TBC1D5: variants seen among roughly 807,000 people sequenced by gnomAD.
TBC1D5 encodes TBC1 domain family member 5.
In TBC1D5, 75 loss-of-function variants were observed where a neutral mutation model predicts 100.3. That is an observed-to-expected ratio of 0.75 (90% CI 0.62 to 0.91). TBC1D5 has a LOEUF of 0.91. Among genes scored for constraint, TBC1D5 ranks in the 40% least tolerant of loss-of-function variants. The pLI, the probability that TBC1D5 is intolerant of heterozygous loss-of-function variation, is 0.00. For missense variants in TBC1D5, 910 were observed against 942.4 expected (o/e 0.97, Z 0.45); for synonymous variants, 323 against 325.6 (o/e 0.99, Z 0.09).
At position 17,479,891 on chromosome 3, in the gene TBC1D5, G is replaced by A. The variant is rs1444048658; in HGVS notation, c.97+28583C>T. On this transcript the variant is annotated intron_variant, in intron 3 of 21. Transcript: ENST00000253692. ...GGCAGGGAGCCCCTCTTCCTATCAA[G>A]TAGGCAGGGCTGGAGCCCCACGCTC... Among the ~76,000 whole-genome samples the A allele has an allele frequency of 4.6e-5, 7 of 152,166 alleles. No individual in the cohort carries two copies. The East Asian group carries it at 1.2e-3, about 25-fold the overall frequency.
chr3:17,343,883 G>A (rs13079314), intron 13 of TBC1D5, among the ~76,000 whole-genome samples: 13,640 of 151,470 alleles, frequency 0.09, 1,395 homozygotes, highest in African/African-American at 0.25. Context: ...TCTTGCTAGC[G>A]GTCTATCAAT....
chr3:17,255,405 T>C (rs1043896220), intron 16 of TBC1D5, among the ~76,000 whole-genome samples: 8 of 152,098 alleles, frequency 5.3e-5, no homozygotes, highest in African/African-American at 1.7e-4. Context: ...TTTCACCACG[T>C]TGGCCAGGAT....
chr3:17,527,037 G>T (rs1006494983), intron 2 of TBC1D5, among the ~76,000 whole-genome samples: 2 of 152,108 alleles, frequency 1.3e-5, no homozygotes, highest in Non-Finnish European at 2.9e-5. Flanking sequence ...TAGAAGATAA[G>T]CATTTAGTGG....
At chr3:17,254,552 T>C (rs2077462163) in intron 16 of TBC1D5, among the ~76,000 whole-genome samples, 1 of 152,168 alleles carries the variant, frequency 6.6e-6, no homozygotes, top group Admixed American at 6.5e-5. Context: ...ATGTTATATT[T>C]TTCCTGACAT....
At chr3:17,386,324 C>T (rs1459942953) in intron 8 of TBC1D5, among the ~76,000 whole-genome samples, 2 of 151,992 alleles carry the variant, frequency 1.3e-5, no homozygotes, top group Non-Finnish European at 2.9e-5. Flanking sequence ...CTGTTATAAT[C>T]TAAAATTGAT....
intron 4 of TBC1D5, among the ~76,000 whole-genome samples, chr3:17,411,830 C>T (rs1447764240): frequency 6.6e-6 from 1 of 152,132 alleles, no homozygotes; most frequent in Non-Finnish European, 1.5e-5. Context: ...GAATTGGAAA[C>T]ATTATCTCTG....
intron 5 of TBC1D5, among the ~76,000 whole-genome samples, chr3:17,405,989 A>G (rs1427064550): frequency 6.6e-6 from 1 of 152,082 alleles, no homozygotes; most frequent in Non-Finnish European, 1.5e-5. Context: ...CCTCACTACT[A>G]AAAGAAATGT....
At chr3:17,625,798 T>C (rs1298056691) in intron 1 of TBC1D5, among the ~76,000 whole-genome samples, 1 of 152,220 alleles carries the variant, frequency 6.6e-6, no homozygotes, top group African/African-American at 2.4e-5. Context: ...TATCTATGCA[T>C]AACATATCTA....
intron 17 of TBC1D5, among the ~76,000 whole-genome samples, chr3:17,232,764 T>C (rs2075526202): frequency 6.6e-6 from 1 of 152,142 alleles, no homozygotes; most frequent in Admixed American, 6.6e-5. Flanking sequence ...TCTTTTCTGT[T>C]CCACCCCCCC....
chr3:17,384,343 G>A (rs1033750849), intron 8 of TBC1D5, among the ~76,000 whole-genome samples: 2 of 151,876 alleles, frequency 1.3e-5, no homozygotes, highest in Admixed American at 6.6e-5. Context: ...TAGCCCACTG[G>A]TTTTTAGGAT....
chr3:17,177,449 C>T (rs1051090046), intron 19 of TBC1D5, among the ~76,000 whole-genome samples: 2 of 152,218 alleles, frequency 1.3e-5, no homozygotes, highest in Non-Finnish European at 2.9e-5. Flanking sequence ...TTGCAGGCTA[C>T]ATCAGGATGC....
intron 3 of TBC1D5, among the ~76,000 whole-genome samples, chr3:17,493,600 G>C (rs991645841): frequency 6.6e-6 from 1 of 152,096 alleles, no homozygotes. Flanking sequence ...TAACCCCATA[G>C]TTCTCAGAGG....
intron 13 of TBC1D5, among the ~76,000 whole-genome samples, chr3:17,336,010 A>G (rs2087715024): frequency 6.6e-6 from 1 of 152,150 alleles, no homozygotes; most frequent in South Asian, 2.1e-4. Context: ...CAATGCATAT[A>G]GCCACCATTT....
intron 13 of TBC1D5, among the ~76,000 whole-genome samples, chr3:17,312,894 C>T (rs888220081): frequency 1.3e-5 from 2 of 152,094 alleles, no homozygotes; most frequent in African/African-American, 4.8e-5. Flanking sequence ...AGAAGATGAC[C>T]ATAATATGAC....
intron 14 of TBC1D5, among the ~76,000 whole-genome samples, chr3:17,294,273 G>A (rs2082037740): frequency 6.6e-6 from 1 of 152,118 alleles, no homozygotes; most frequent in Admixed American, 6.6e-5. Context: ...AGGCTAGAGT[G>A]CAGTGGCATG....
chr3:17,281,372 C>A (rs1245631974), intron 15 of TBC1D5, among the ~76,000 whole-genome samples: 1 of 152,128 alleles, frequency 6.6e-6, no homozygotes, highest in Admixed American at 6.5e-5. Flanking sequence ...CATATTAAGA[C>A]ACTTGGAAAA....
At chr3:17,531,152 C>A (rs993583939) in intron 2 of TBC1D5, among the ~76,000 whole-genome samples, 1 of 152,192 alleles carries the variant, frequency 6.6e-6, no homozygotes, top group Non-Finnish European at 1.5e-5. Context: ...GATACAAAAT[C>A]AATGTGCAAA....
At chr3:17,362,462 G>C (rs1346241377) in intron 13 of TBC1D5, among the ~76,000 whole-genome samples, 1 of 151,876 alleles carries the variant, frequency 6.6e-6, no homozygotes, top group Non-Finnish European at 1.5e-5. Context: ...AAGGGCAAAA[G>C]ATGTAAGACA....
chr3:17,543,573 G>A (rs541517810), intron 2 of TBC1D5, among the ~76,000 whole-genome samples: 1 of 152,288 alleles, frequency 6.6e-6, no homozygotes, highest in East Asian at 1.9e-4. Flanking sequence ...AGGAGGTTGA[G>A]GCTGCAGTGA....
Sources: gnomAD v4.1 joint callset for allele counts (sites outside exome capture counted in the v4.1 genomes callset) on GRCh38, gnomAD v4.1.1 for gene constraint, MANE v1.5 for transcripts, NCBI Gene and HGNC (gene_info 2026-07-23, HGNC 2026-07-21) for gene names.